The following CUBN variants were observed in gnomAD, a reference collection of about 807,000 sequenced individuals.
CUBN encodes the protein 460 kDa receptor.
In CUBN, 282 loss-of-function variants were observed where a neutral mutation model predicts 405.3. That is an observed-to-expected ratio of 0.70 (90% CI 0.63 to 0.77). The LOEUF (loss-of-function observed/expected upper bound fraction) is 0.77, where lower values mean the gene tolerates loss of function less well. Among genes scored for constraint, CUBN ranks in the 30% least tolerant of loss-of-function variants. The pLI, the probability that CUBN is intolerant of heterozygous loss-of-function variation, is 0.00. For missense variants in CUBN, 4,514 were observed against 4,475.2 expected (o/e 1.01, Z -0.25); for synonymous variants, 1,684 against 1,617.0 (o/e 1.04, Z -0.99).
intron 46 of CUBN, among the ~76,000 whole-genome samples, chr10:16,915,535 G>T (rs1392232431): frequency 1.3e-5 from 2 of 152,110 alleles, no homozygotes; most frequent in African/African-American, 4.8e-5. Context: ...TCAAATAACG[G>T]CATGTGGCAA....
chr10:16,937,483 T>A, intron 39 of CUBN, 109 bp downstream of exon 39: 1 of 870,974 alleles, frequency 1.1e-6, no homozygotes. Flanking sequence ...TGGAAGGGCT[T>A]TGGGGCTGTA....
intron 17 of CUBN, among the ~76,000 whole-genome samples, chr10:17,081,900 T>C (rs1835978562): frequency 2.0e-5 from 3 of 152,198 alleles, no homozygotes; most frequent in African/African-American, 4.8e-5. Context: ...GTCAAAGATA[T>C]AATATAAAAA....
intron 27 of CUBN, among the ~76,000 whole-genome samples, chr10:17,027,743 T>A (rs1299116091): frequency 6.6e-6 from 1 of 152,176 alleles, no homozygotes; most frequent in Non-Finnish European, 1.5e-5. Context: ...TTCTTAAGTA[T>A]CTCAAGGTTA....
At chr10:17,052,956 T>C (rs1835308276) in intron 22 of CUBN, among the ~76,000 whole-genome samples, 1 of 151,830 alleles carries the variant, frequency 6.6e-6, no homozygotes, top group Admixed American at 6.6e-5. Flanking sequence ...GGGGAATTTG[T>C]GTAATATGAA....
In CUBN at chr10:16,902,587, G is replaced by A. The variant is rs577762658; in HGVS notation, c.8063-1128C>T. On this transcript the variant is annotated intron_variant, in intron 51 of 66. Transcript: ENST00000377833. ...ATGAAGGAAAATCAACTGGCAAGAT[G>A]GTTGAGTGAGTAGATAATCAATTTC... Among the ~76,000 whole-genome samples the A allele has an allele frequency of 5.1e-4, 78 of 152,104 alleles. 1 individual carries two copies. Among genetic ancestry groups the A allele is most frequent in the Non-Finnish European group, 7.9e-4 (54 of 67,992 alleles).
At chr10:17,054,194 G>A (rs1390181141) in intron 22 of CUBN, among the ~76,000 whole-genome samples, 1 of 151,864 alleles carries the variant, frequency 6.6e-6, no homozygotes, top group Non-Finnish European at 1.5e-5. Flanking sequence ...AACCAGGCAT[G>A]GTGGCGAGCG....
At chr10:17,124,855 G>A (rs778115139) in intron 4 of CUBN, among the ~76,000 whole-genome samples, 25 of 151,866 alleles carry the variant, frequency 1.6e-4, no homozygotes, top group Non-Finnish European at 3.1e-4. Flanking sequence ...TTTTTGAGAT[G>A]GAGCCTCGGT....
intron 27 of CUBN, among the ~76,000 whole-genome samples, chr10:17,035,333 C>T (rs1485955826): frequency 1.3e-5 from 2 of 151,944 alleles, no homozygotes; most frequent in African/African-American, 2.4e-5. Flanking sequence ...TATTGTTGAA[C>T]ATTAGAAAAA....
intron 56 of CUBN, among the ~76,000 whole-genome samples, chr10:16,885,525 T>C (rs1307574421): frequency 6.6e-6 from 1 of 152,192 alleles, no homozygotes; most frequent in African/African-American, 2.4e-5. Flanking sequence ...TGAAGTAATT[T>C]GCACAAAGTC....
chr10:16,882,401 G>C (rs191395194), intron 56 of CUBN, among the ~76,000 whole-genome samples: 92 of 152,216 alleles, frequency 6.0e-4, no homozygotes, highest in Non-Finnish European at 1.2e-3. Flanking sequence ...CATATTCATC[G>C]TTTGCAATGG....
chr10:17,070,278 CT>C (rs1172285687), intron 19 of CUBN, among the ~76,000 whole-genome samples: 2 of 152,102 alleles, frequency 1.3e-5, no homozygotes, highest in Admixed American at 6.6e-5. Flanking sequence ...TAGCTTTGTT[CT>C]AAGTTTTGAA....
intron 17 of CUBN, among the ~76,000 whole-genome samples, chr10:17,075,506 G>A (rs1835839679): frequency 1.3e-5 from 2 of 151,994 alleles, no homozygotes; most frequent in South Asian, 2.1e-4. Context: ...ATGTATTAAG[G>A]GTATTTCACT....
chr10:17,020,559 A>C (rs1277349096), intron 27 of CUBN, among the ~76,000 whole-genome samples: 1 of 152,140 alleles, frequency 6.6e-6, no homozygotes, highest in East Asian at 1.9e-4. Flanking sequence ...GAAAATACAA[A>C]TATTGATTCG....
In CUBN at chr10:17,071,902, T is replaced by C; in HGVS notation, c.2371A>G (p.Thr791Ala). 1 of 1,612,736 alleles carries C rather than the reference T, an allele frequency of 6.2e-7. No homozygotes were observed. Among genetic ancestry groups the C allele is most frequent in the Non-Finnish European group, 8.5e-7 (1 of 1,179,120 alleles). ...NGTISHIKSITNSVWIRFKID... is the reference protein window; with the variant it reads ...NGTISHIKSIANSVWIRFKID... The stretch of plus-strand genomic sequence containing the variant: ...TTAAACCTGATCCAGACACTATTAG[T>C]AATGGATTTAATGTGAGAGATGGTT... Residue 791 changes from threonine (T) to alanine (A), a missense_variant, in exon 18 of 67, where the codon ACT becomes GCT. Transcript: ENST00000377833.
At chr10:17,041,342 ATGTGTATATATGTG>A (rs1370709828) in intron 26 of CUBN, 122 bp from the exon 27 acceptor site, 1 of 726,782 alleles carries the variant, frequency 1.4e-6, no homozygotes, top group Non-Finnish European at 2.4e-6. Flanking sequence ...CACATATATG[ATGTGTATATATGTG>A]TGTGTATATA....
chr10:17,109,500 G>A lies in CUBN; in HGVS notation c.1111+140C>T. On this transcript the variant is annotated intron_variant, in intron 10 of 66. Coordinates refer to ENST00000377833, the MANE Select transcript of CUBN (RefSeq NM_001081.4). Reference sequence around the variant, plus strand: ...CATATTTAAGAAAGCCAAATGTGTAGTTTTATGGCATGGATTAATTTTAGG... The same window carrying A: ...CATATTTAAGAAAGCCAAATGTGTAATTTTATGGCATGGATTAATTTTAGG... 4 of 723,558 alleles carry A rather than the reference G, an allele frequency of 5.5e-6. No individual in the cohort carries two copies. The South Asian group carries it at 6.0e-5, about 11-fold the overall frequency. The allele number at this position is 723,558 out of a possible 1,614,324, so 44.8% of individuals were successfully genotyped here. A position where few individuals can be genotyped will look rare whatever the true frequency, so the allele number is the denominator to read the frequency against.
intron 28 of CUBN, among the ~76,000 whole-genome samples, chr10:17,010,206 G>T (rs765608891): frequency 2.2e-4 from 33 of 152,332 alleles, no homozygotes; most frequent in Non-Finnish European, 3.7e-4. Flanking sequence ...GGATTCTCCT[G>T]ACCTTTCTGT....
chr10:17,123,361 T>A (rs113981838), intron 5 of CUBN: 5 of 594,396 alleles, frequency 8.4e-6, no homozygotes, highest in African/African-American at 5.6e-5. Flanking sequence ...TTCCAGGCAG[T>A]TATCCAATCA....
intron 56 of CUBN, among the ~76,000 whole-genome samples, chr10:16,880,407 A>G (rs542815471): frequency 6.6e-6 from 1 of 152,338 alleles, no homozygotes; most frequent in East Asian, 1.9e-4. Context: ...TACTAAACTT[A>G]AAAAATGTCT....
Sources: allele counts gnomAD v4.1 joint callset (sites outside exome capture counted in the v4.1 genomes callset), GRCh38; gene constraint gnomAD v4.1.1; transcripts MANE v1.5; gene names NCBI Gene and HGNC (gene_info 2026-07-23, HGNC 2026-07-21).